Variants in ANK3 observed in about 807,000 individuals in gnomAD.
ANK3 encodes ankyrin 3.
Under a neutral mutation model 370.9 loss-of-function variants are expected in ANK3, and 57 were observed. The observed-to-expected ratio is 0.15, with a 90% CI of 0.12 to 0.19. ANK3 has a LOEUF of 0.19. Among genes scored for constraint, ANK3 ranks in the 10% least tolerant of loss-of-function variants. The probability of loss-of-function intolerance (pLI) is 1.00; values close to 1 mark genes in which losing one functional copy is unlikely to be tolerated. For synonymous variants in ANK3, 1,929 were observed against 1,946.3 expected (o/e 0.99, Z 0.23); for missense variants, 4,439 against 5,302.1 (o/e 0.84, Z 5.06).
At chr10:60,158,063 A>T (rs949236369) in intron 23 of ANK3, among the ~76,000 whole-genome samples, 1 of 152,152 alleles carries the variant, frequency 6.6e-6, no homozygotes, top group African/African-American at 2.4e-5. Context: ...TTCAACCCAA[A>T]TAAGACTACC....
intron 2 of ANK3, among the ~76,000 whole-genome samples, chr10:60,494,902 A>G (rs1376222042): frequency 2.0e-5 from 3 of 152,204 alleles, no homozygotes; most frequent in African/African-American, 7.2e-5. Context: ...CTAAAGCATT[A>G]CCACAGAATA....
At chr10:60,117,208 A>C (rs1363537455) in intron 25 of ANK3, among the ~76,000 whole-genome samples, 4 of 152,230 alleles carry the variant, frequency 2.6e-5, no homozygotes, top group African/African-American at 4.8e-5. Flanking sequence ...GTACTCCACC[A>C]AAGTGAAGGA....
chr10:60,035,614 G>A (rs2074784559), intron 43 of ANK3, among the ~76,000 whole-genome samples: 1 of 151,974 alleles, frequency 6.6e-6, no homozygotes, highest in Admixed American at 6.6e-5. Context: ...ATATATAGTG[G>A]AGCCAGAACT....
chr10:60,119,665 G>A (rs1360747019), intron 25 of ANK3, among the ~76,000 whole-genome samples: 1 of 152,078 alleles, frequency 6.6e-6, no homozygotes, highest in Non-Finnish European at 1.5e-5. Context: ...CCATCTAATC[G>A]GGAGGCTGAG....
At chr10:60,030,391 C>T (rs2131828240) in intron 43 of ANK3, among the ~76,000 whole-genome samples, 1 of 152,270 alleles carries the variant, frequency 6.6e-6, no homozygotes, top group Admixed American at 6.5e-5. Context: ...AGCCGCCCAC[C>T]TTGGCCTCCC....
chr10:60,402,816 C>T (rs1385368523), intron 2 of ANK3, among the ~76,000 whole-genome samples: 5 of 152,146 alleles, frequency 3.3e-5, no homozygotes, highest in Non-Finnish European at 7.3e-5. Context: ...TGGCAGGTAA[C>T]CAAAGACGCT....
At chr10:60,637,317 C>T (rs759517125) in intron 1 of ANK3, among the ~76,000 whole-genome samples, 2 of 152,110 alleles carry the variant, frequency 1.3e-5, no homozygotes, top group Non-Finnish European at 2.9e-5. Context: ...GAAGGTTGTG[C>T]TTGATTCTTC....
chr10:60,605,994 A>G (rs2078123909), intron 2 of ANK3, among the ~76,000 whole-genome samples: 1 of 152,170 alleles, frequency 6.6e-6, no homozygotes, highest in South Asian at 2.1e-4. Context: ...ATCAGTCGAA[A>G]GTGGCAAATT....
intron 18 of ANK3, among the ~76,000 whole-genome samples, chr10:60,179,509 A>G (rs1258115935): frequency 2.0e-5 from 3 of 152,172 alleles, no homozygotes; most frequent in Non-Finnish European, 2.9e-5. Flanking sequence ...AGCCTGGCCA[A>G]CATGGCGATA....
At position 60,469,054 on chromosome 10, in the gene ANK3, T is replaced by TATATAC. The variant is rs1201040809; in HGVS notation, c.96+146131_96+146132insGTATAT. On this transcript the variant is annotated intron_variant, in intron 2 of 43. Coordinates refer to the ANK3 transcript ENST00000373827. ...GTGTATATATATATATATATATATA[T>TATATAC]ACCACTTTTAGTATATATATATATA... 1.1e-3 allele frequency among the ~76,000 whole-genome samples: 37 copies of TATATAC among 34,920 alleles called. 3 individuals are homozygous for TATATAC. Among genetic ancestry groups the TATATAC allele is most frequent in the South Asian group, 5.4e-3 (4 of 734 alleles). The allele number at this position is 34,920 out of a possible 152,430, so 22.9% of individuals were successfully genotyped here. A position where few individuals can be genotyped will look rare whatever the true frequency, so the allele number is the denominator to read the frequency against.
Position 60,073,919 on chromosome 10 carries a change from T to G in ANK3, c.6962A>C (p.Gln2321Pro). The change falls in exon 37 of 44, where the codon CAA (glutamine) becomes CCA (proline). Residue 2321 changes from glutamine to proline, a missense_variant. Gln to Pro is a moderately conservative substitution (Grantham distance 76). Coordinates refer to ENST00000280772, the MANE Select transcript of ANK3 (RefSeq NM_020987.5). ...TSAQHAEKDN[Q>P]MKPKLERIIE... is the part of the protein sequence containing the mutation. The stretch of plus-strand genomic sequence containing the variant: ...TATACGCTCCAGTTTGGGTTTCATT[T>G]GGTTGTCCTTCTCTGCATGCTGGGC... 6.2e-7 allele frequency: 1 copy of G among 1,614,092 alleles called. No homozygotes were observed. The highest frequency in any genetic ancestry group is 8.5e-7 in the Non-Finnish European group (1 of 1,179,988).
chr10:60,224,749 C>CTCTA lies in ANK3; in HGVS notation c.897+9938_897+9939insTAGA, dbSNP rs532309228. Among the ~76,000 whole-genome samples the CTCTA allele has an allele frequency of 2.5e-3, 385 of 151,984 alleles. 1 individual carries two copies. Among genetic ancestry groups the CTCTA allele is most frequent in the African/African-American group, 8.8e-3 (364 of 41,430 alleles). On this transcript the variant is annotated intron_variant, in intron 8 of 43. Coordinates refer to ENST00000280772, the MANE Select transcript of ANK3 (RefSeq NM_020987.5). ...AGAGAACTCTGCAGATAGATCATGG[C>CTCTA]TGTAGAACAGGATATAATCTTTAAT...
chr10:60,073,502 G>A lies in ANK3; in HGVS notation c.7379C>T (p.Ser2460Phe). The change falls in exon 37 of 44, where the codon TCT (serine) becomes TTT (phenylalanine). Residue 2460 changes from serine (S) to phenylalanine (F), a missense_variant. Transcript: ENST00000280772. ...AAGCATTTTCTCAGCAAACCTGTAA[G>A]ACTCCCCTCTTAGTTCTGACAACTC... ...DDELSELRGE[S>F]YRFAEKMLLS... 6.2e-7 allele frequency: 1 copy of A among 1,614,024 alleles called. No individual in the cohort carries two copies. The highest frequency in any genetic ancestry group is 8.5e-7 in the Non-Finnish European group (1 of 1,180,010).
chr10:60,131,199 C>T (rs2094045473), intron 25 of ANK3, among the ~76,000 whole-genome samples: 1 of 152,162 alleles, frequency 6.6e-6, no homozygotes, highest in African/African-American at 2.4e-5. Flanking sequence ...TTCCTACATA[C>T]ACAGATATCT....
chr10:60,114,143 G>C (rs1259161530), intron 26 of ANK3, 82 bp downstream of exon 26: 1 of 634,382 alleles, frequency 1.6e-6, no homozygotes, highest in East Asian at 2.9e-5. Flanking sequence ...TATGAAGCTT[G>C]TTGATGTGAA....
At chr10:60,607,233 C>T (rs780185951) in intron 2 of ANK3, among the ~76,000 whole-genome samples, 1 of 152,070 alleles carries the variant, frequency 6.6e-6, no homozygotes, top group Non-Finnish European at 1.5e-5. Flanking sequence ...TGTTATAAAC[C>T]ATCCCATAAG....
chr10:60,528,733 C>T (rs1446156787), intron 2 of ANK3, among the ~76,000 whole-genome samples: 1 of 152,004 alleles, frequency 6.6e-6, no homozygotes, highest in Non-Finnish European at 1.5e-5. Context: ...TCCTCTTCTT[C>T]CTAGATGTCT....
intron 8 of ANK3, among the ~76,000 whole-genome samples, chr10:60,226,641 T>C (rs1286433292): frequency 3.4e-5 from 3 of 87,438 alleles, no homozygotes; most frequent in African/African-American, 9.8e-5. Context: ...ATATATAGTA[T>C]AGATAATATA....
At chr10:60,036,716 G>C (rs552969309) in intron 43 of ANK3, among the ~76,000 whole-genome samples, 1 of 152,054 alleles carries the variant, frequency 6.6e-6, no homozygotes, top group Non-Finnish European at 1.5e-5. Context: ...GAATACAGGC[G>C]TGAGCCACTG....
Sources: allele counts gnomAD v4.1 joint callset (sites outside exome capture counted in the v4.1 genomes callset), GRCh38; gene constraint gnomAD v4.1.1; transcripts MANE v1.5; gene names NCBI Gene and HGNC (gene_info 2026-07-23, HGNC 2026-07-21).